The following ATP13A3 variants were observed in gnomAD, a reference collection of about 807,000 sequenced individuals.
ATP13A3 encodes the protein ATPase 13A3.
In ATP13A3, 59 loss-of-function variants were observed where a neutral mutation model predicts 158.1. That is an observed-to-expected ratio of 0.37 (90% CI 0.30 to 0.46). ATP13A3 has a LOEUF of 0.46. ATP13A3 is among the 20% of genes least tolerant of loss of function. The pLI is 1.00. For synonymous variants in ATP13A3, 491 were observed against 504.3 expected, an observed-to-expected ratio of 0.97 and a Z score of 0.35; for missense variants, 1,166 against 1,525.2, an observed-to-expected ratio of 0.76 and a Z score of 3.92.
At chr3:194,461,041 C>A (rs965785431) in intron 3 of ATP13A3, among the ~76,000 whole-genome samples, 9 of 152,166 alleles carry the variant, frequency 5.9e-5, no homozygotes, top group Non-Finnish European at 1.3e-4. Flanking sequence ...TTGGTATTTA[C>A]ACTTTGATTT....
chr3:194,449,637 A>C (rs1718664315), intron 11 of ATP13A3, among the ~76,000 whole-genome samples: 1 of 151,918 alleles, frequency 6.6e-6, no homozygotes, highest in Non-Finnish European at 1.5e-5. Context: ...AGATCGCACC[A>C]CTGCTCTCCA....
chr3:194,476,348 A>G (rs1720522132), intron 2 of ATP13A3, among the ~76,000 whole-genome samples: 1 of 152,136 alleles, frequency 6.6e-6, no homozygotes, highest in African/African-American at 2.4e-5. Context: ...TGTGCTTCAG[A>G]CCCACAGATT....
rs773820460 is a variant in ATP13A3, at chr3:194,462,162, T to C, written c.29A>G (p.Asn10Ser). Residue 10 changes from asparagine to serine, a missense_variant, in exon 3 of 34, where the codon AAT becomes AGT. By Grantham distance (46) the Asn-to-Ser change is conservative. Transcript: ENST00000645319. MDREERKTI[N>S]QGQEDEMEIY... ...TACCATTTCATCTTCTTGACCCTGA[T>C]TGATGGTCTTCCTTTCTTCCCTGTC... 6.2e-6 allele frequency: 10 copies of C among 1,613,952 alleles called. No homozygotes were observed. Among genetic ancestry groups the C allele is most frequent in the South Asian group, 2.2e-5 (2 of 91,080 alleles).
chr3:194,465,508 C>T (rs1719936218), intron 2 of ATP13A3, among the ~76,000 whole-genome samples: 3 of 152,050 alleles, frequency 2.0e-5, no homozygotes, highest in African/African-American at 7.2e-5. Context: ...GGAATCGTAC[C>T]CATTTTTACC....
At chr3:194,424,470 T>C (rs1043943218) in intron 30 of ATP13A3, 4 of 152,040 alleles carry the variant, frequency 2.6e-5, no homozygotes, top group African/African-American at 9.7e-5. Flanking sequence ...AATAAGATAA[T>C]GTATGAGAAA....
intron 8 of ATP13A3, among the ~76,000 whole-genome samples, chr3:194,455,662 C>T (rs1248208557): frequency 1.3e-5 from 2 of 152,200 alleles, no homozygotes. Context: ...GTGAGCCTAA[C>T]TCTGCTAGAC....
chr3:194,473,175 T>C (rs983261272), intron 2 of ATP13A3, among the ~76,000 whole-genome samples: 1 of 152,210 alleles, frequency 6.6e-6, no homozygotes, highest in Non-Finnish European at 1.5e-5. Flanking sequence ...AAATTATATA[T>C]TTTAGTACCA....
At chr3:194,472,718 T>C (rs1244811728) in intron 2 of ATP13A3, among the ~76,000 whole-genome samples, 1 of 152,220 alleles carries the variant, frequency 6.6e-6, no homozygotes, top group East Asian at 1.9e-4. Flanking sequence ...CACAGCACTA[T>C]TCACAATAGC....
intron 30 of ATP13A3, among the ~76,000 whole-genome samples, chr3:194,422,567 A>C (rs9867902): frequency 0.19 from 29,021 of 152,088 alleles, 4,643 homozygotes; most frequent in African/African-American, 0.43. Context: ...GAGATTTTTA[A>C]GTATTCAAAG....
chr3:194,473,463 C>T (rs2109028634), intron 2 of ATP13A3, among the ~76,000 whole-genome samples: 1 of 148,354 alleles, frequency 6.7e-6, no homozygotes, highest in Non-Finnish European at 1.5e-5. Flanking sequence ...TATGGTAAGA[C>T]ATTATTTGCC....
intron 28 of ATP13A3, among the ~76,000 whole-genome samples, chr3:194,427,572 G>T (rs1716878135): frequency 6.6e-6 from 1 of 151,480 alleles, no homozygotes; most frequent in East Asian, 1.9e-4. Context: ...GCCACAGTGG[G>T]AGAATCACTT....
At chr3:194,472,972 T>C (rs979655881) in intron 2 of ATP13A3, among the ~76,000 whole-genome samples, 4 of 151,856 alleles carry the variant, frequency 2.6e-5, no homozygotes, top group African/African-American at 9.7e-5. Flanking sequence ...GACATAAAGA[T>C]GGGGAACAAT....
intron 2 of ATP13A3, among the ~76,000 whole-genome samples, chr3:194,463,839 G>C (rs1719824879): frequency 6.6e-6 from 1 of 152,192 alleles, no homozygotes; most frequent in South Asian, 2.1e-4. Flanking sequence ...GAAACTTCTT[G>C]GTGTTCTATC....
chr3:194,406,176 T>C (rs1466385222), intron 33 of ATP13A3, 60 bp from the exon 34 acceptor site: 2 of 1,559,534 alleles, frequency 1.3e-6, no homozygotes, highest in Admixed American at 1.8e-5. Context: ...CTTGTCGTTT[T>C]AAACAGGTTT....
chr3:194,467,999 T>C lies in ATP13A3; in HGVS notation c.-46-5763A>G, dbSNP rs573538289. Reference sequence around the variant, plus strand: ...TACCAGTAGCACTATATCATCATTCTTCCCAATTCCTGATATTTGCACAGC... The same window carrying C: ...TACCAGTAGCACTATATCATCATTCCTCCCAATTCCTGATATTTGCACAGC... On this transcript the variant is annotated intron_variant, in intron 2 of 33. Coordinates refer to ENST00000645319, the MANE Select transcript of ATP13A3 (RefSeq NM_001367549.1). The C allele has an allele frequency of 2.0e-5, 3 of 152,306 alleles. No homozygotes were observed. In the South Asian group the frequency reaches 6.2e-4, roughly 32 times the overall value. 9.4% of individuals were successfully genotyped at this position (152,306 alleles called of 1,614,324 possible).
At chr3:194,418,248 TGA>T (rs1716034031) in intron 31 of ATP13A3, among the ~76,000 whole-genome samples, 1 of 152,106 alleles carries the variant, frequency 6.6e-6, no homozygotes, top group South Asian at 2.1e-4. Context: ...TTTATAACTT[TGA>T]GATGGACAAG....
At position 194,458,029 on chromosome 3, in the gene ATP13A3, G is replaced by A. The variant is rs562233774; in HGVS notation, c.480-855C>T. 7.2e-5 allele frequency among the ~76,000 whole-genome samples: 11 copies of A among 151,994 alleles called. No individual in the cohort carries two copies. In the East Asian group the frequency reaches 1.6e-3, roughly 21 times the overall value. ...TCAAGCTCTTGACCTCAGGTGATCC[G>A]CCCACCTTGGCCTCCCAAAGTGCTG... On this transcript the variant is annotated intron_variant, in intron 6 of 33. Transcript: ENST00000645319.
chr3:194,445,714 A>G (rs1384923152), intron 14 of ATP13A3, among the ~76,000 whole-genome samples: 1 of 152,142 alleles, frequency 6.6e-6, no homozygotes, highest in African/African-American at 2.4e-5. Context: ...CATGTTTCCC[A>G]TTTTTTTCTG....
intron 3 of ATP13A3, among the ~76,000 whole-genome samples, chr3:194,461,508 C>T (rs940956047): frequency 1.3e-5 from 2 of 152,162 alleles, no homozygotes; most frequent in Admixed American, 6.5e-5. Flanking sequence ...AATACCACTG[C>T]GACTAATCAA....
Sources: allele counts gnomAD v4.1 joint callset (sites outside exome capture counted in the v4.1 genomes callset), GRCh38; gene constraint gnomAD v4.1.1; transcripts MANE v1.5; gene names NCBI Gene and HGNC (gene_info 2026-07-23, HGNC 2026-07-21).